Variants in SEMA6D observed in about 807,000 individuals in gnomAD.
The protein encoded by SEMA6D is semaphorin 6D.
SEMA6D carries 35 observed loss-of-function variants against 106.6 expected under a neutral mutation model. The observed-to-expected ratio is 0.33, with a 90% CI of 0.25 to 0.44. The LOEUF (loss-of-function observed/expected upper bound fraction) is 0.44. SEMA6D is among the 20% of genes least tolerant of loss of function. The pLI, the probability that SEMA6D is intolerant of heterozygous loss-of-function variation, is 1.00. For synonymous variants in SEMA6D, 499 were observed against 487.7 expected (o/e 1.02, Z -0.31); for missense variants, 1,185 against 1,345.9 (o/e 0.88, Z 1.87).
chr15:47,290,649 T>C (rs2035559967), intron 1 of SEMA6D, among the ~76,000 whole-genome samples: 1 of 151,590 alleles, frequency 6.6e-6, no homozygotes, highest in African/African-American at 2.4e-5. Context: ...CACACATATA[T>C]TCAAATTTAG....
intron 1 of SEMA6D, among the ~76,000 whole-genome samples, chr15:47,252,406 T>C (rs939091190): frequency 6.6e-6 from 1 of 152,164 alleles, no homozygotes; most frequent in African/African-American, 2.4e-5. Flanking sequence ...GTGATAACTT[T>C]CATGATTTAC....
At position 47,579,940 on chromosome 15, in the gene SEMA6D, T is replaced by C. The variant is rs982984486; in HGVS notation, c.-86-20925T>C. ...GACACATTTTCGTAGGTTCAGAATT[T>C]AAATCAGAAAATTTAAAGGAAAGAG... On this transcript the variant is annotated intron_variant, in intron 3 of 19. Coordinates refer to the SEMA6D transcript ENST00000558014. Among the ~76,000 whole-genome samples, 15 of 152,324 alleles carry C rather than the reference T, an allele frequency of 9.8e-5. No individual in the cohort carries two copies. In the South Asian group the frequency reaches 3.1e-3, roughly 32 times the overall value.
chr15:47,456,433 A>G (rs903895665), intron 2 of SEMA6D, among the ~76,000 whole-genome samples: 2 of 152,032 alleles, frequency 1.3e-5, no homozygotes, highest in African/African-American at 4.8e-5. Flanking sequence ...TTTTAATATC[A>G]CACACAGTCC....
intron 1 of SEMA6D, among the ~76,000 whole-genome samples, chr15:47,278,551 C>T (rs2034948604): frequency 1.3e-5 from 2 of 152,106 alleles, no homozygotes; most frequent in African/African-American, 2.4e-5. Flanking sequence ...AATTTTCTCC[C>T]ATTTTGTAGG....
chr15:47,407,412 AAAAAAC>A (rs1567058225), intron 1 of SEMA6D, among the ~76,000 whole-genome samples: 5 of 150,270 alleles, frequency 3.3e-5, no homozygotes, highest in African/African-American at 9.7e-5. Flanking sequence ...ACAACAACAA[AAAAAAC>A]AAAAAAAACA....
chr15:47,692,488 A>G (rs148145544), intron 4 of SEMA6D, among the ~76,000 whole-genome samples: 1 of 152,222 alleles, frequency 6.6e-6, no homozygotes, highest in East Asian at 1.9e-4. Context: ...AAAAATCCCT[A>G]AGCATGCTGC....
chr15:47,480,620 A>G (rs1271629100), intron 3 of SEMA6D, among the ~76,000 whole-genome samples: 3 of 152,082 alleles, frequency 2.0e-5, no homozygotes, highest in Non-Finnish European at 4.4e-5. Context: ...ATGTCACATT[A>G]ATGACACACC....
intron 2 of SEMA6D, among the ~76,000 whole-genome samples, chr15:47,441,700 T>C (rs1567081910): frequency 6.6e-6 from 1 of 152,148 alleles, no homozygotes; most frequent in African/African-American, 2.4e-5. Flanking sequence ...ATTTTATTTT[T>C]TTAATGAGGT....
Position 47,581,219 on chromosome 15 carries a change from C to T in SEMA6D, c.-86-19646C>T, listed in dbSNP as rs190094626. ...TTATTGTTGCCATCTTTTCCCGTAACGTGTCCCTGATGAAGTTTTTGCATG... is the reference window on the plus strand; with the variant it reads ...TTATTGTTGCCATCTTTTCCCGTAATGTGTCCCTGATGAAGTTTTTGCATG... On this transcript the variant is annotated intron_variant, in intron 3 of 19. Transcript: ENST00000558014. 79 of 391,058 alleles carry T rather than the reference C, an allele frequency of 2.0e-4. 1 individual carries two copies. The East Asian group carries it at 5.8e-3, about 29-fold the overall frequency. 24.2% of individuals were successfully genotyped at this position (391,058 alleles called of 1,614,324 possible).
chr15:47,572,092 C>T (rs1054037490), intron 3 of SEMA6D, among the ~76,000 whole-genome samples: 2 of 152,188 alleles, frequency 1.3e-5, no homozygotes, highest in Non-Finnish European at 2.9e-5. Context: ...GGAAACACCT[C>T]CTTGATCACG....
chr15:47,449,492 G>A (rs920155305), intron 2 of SEMA6D, among the ~76,000 whole-genome samples: 4 of 152,076 alleles, frequency 2.6e-5, no homozygotes, highest in Non-Finnish European at 4.4e-5. Context: ...GTTGTGGAAA[G>A]GCTTCCTCTC....
intron 1 of SEMA6D, among the ~76,000 whole-genome samples, chr15:47,327,684 C>T (rs952439559): frequency 3.9e-4 from 59 of 152,290 alleles, no homozygotes; most frequent in African/African-American, 1.4e-3. Flanking sequence ...GAACTCCTTT[C>T]CTCATTAAGG....
chr15:47,492,685 T>A (rs1409065916), intron 3 of SEMA6D, among the ~76,000 whole-genome samples: 1 of 152,226 alleles, frequency 6.6e-6, no homozygotes, highest in African/African-American at 2.4e-5. Flanking sequence ...TGCCATATTC[T>A]GTATCTACAT....
At chr15:47,656,243 C>G (rs754789418) in intron 4 of SEMA6D, among the ~76,000 whole-genome samples, 9 of 152,118 alleles carry the variant, frequency 5.9e-5, no homozygotes, top group African/African-American at 9.7e-5. Context: ...ACATATCAAA[C>G]AAGGTTATGT....
intron 1 of SEMA6D, among the ~76,000 whole-genome samples, chr15:47,213,852 A>T (rs896431680): frequency 6.6e-6 from 1 of 152,160 alleles, no homozygotes; most frequent in Non-Finnish European, 1.5e-5. Flanking sequence ...TGCTATTGAT[A>T]AAGTGTCAAC....
At chr15:47,346,577 T>G (rs1189502116) in intron 1 of SEMA6D, among the ~76,000 whole-genome samples, 2 of 152,190 alleles carry the variant, frequency 1.3e-5, no homozygotes, top group African/African-American at 4.8e-5. Context: ...TTAAATAAAA[T>G]TCACATAAAG....
intron 3 of SEMA6D, among the ~76,000 whole-genome samples, chr15:47,524,163 T>C (rs1366459830): frequency 1.3e-5 from 2 of 152,216 alleles, no homozygotes; most frequent in East Asian, 1.9e-4. Flanking sequence ...TTTTGTGCAT[T>C]ATGTCTCCTC....
At chr15:47,343,513 T>A (rs1300601410) in intron 1 of SEMA6D, among the ~76,000 whole-genome samples, 1 of 151,890 alleles carries the variant, frequency 6.6e-6, no homozygotes, top group Non-Finnish European at 1.5e-5. Context: ...AGTGTTTGGT[T>A]TTTTGTCCTT....
chr15:47,275,030 G>T (rs941356456), intron 1 of SEMA6D: 1 of 152,168 alleles, frequency 6.6e-6, no homozygotes, highest in East Asian at 1.9e-4. Flanking sequence ...ACATATGCTG[G>T]ATGCAGTTGA....
Sources: gnomAD v4.1 joint callset for allele counts (sites outside exome capture counted in the v4.1 genomes callset) on GRCh38, gnomAD v4.1.1 for gene constraint, MANE v1.5 for transcripts, NCBI Gene and HGNC (gene_info 2026-07-23, HGNC 2026-07-21) for gene names.